The following TAFA5 variants were observed in gnomAD, a reference collection of about 807,000 sequenced individuals.
TAFA5 encodes the protein chemokine-like protein TAFA-5.
TAFA5 carries 6 observed loss-of-function variants against 15.3 expected under a neutral mutation model. The observed-to-expected ratio is 0.39, with a 90% CI of 0.21 to 0.77. The LOEUF is 0.77. Among genes scored for constraint, TAFA5 ranks in the 30% least tolerant of loss-of-function variants. The probability of loss-of-function intolerance (pLI) is 0.41; values close to 1 mark genes in which losing one functional copy is unlikely to be tolerated. For synonymous variants in TAFA5, 103 were observed against 80.7 expected, an observed-to-expected ratio of 1.28 and a Z score of -1.48; for missense variants, 161 against 193.1, an observed-to-expected ratio of 0.83 and a Z score of 0.98.
At chr22:48,492,759 G>A (rs1279491362) in intron 1 of TAFA5, among the ~76,000 whole-genome samples, 1 of 152,168 alleles carries the variant, frequency 6.6e-6, no homozygotes, top group African/African-American at 2.4e-5. Context: ...CTCCGCGGCC[G>A]GTGCTGCCCA....
intron 1 of TAFA5, among the ~76,000 whole-genome samples, chr22:48,608,834 C>T (rs542902331): frequency 2.0e-5 from 3 of 152,354 alleles, no homozygotes; most frequent in South Asian, 2.1e-4. Context: ...ACCCGACGCT[C>T]GGGAGCTCTG....
chr22:48,694,560 C>T (rs373133980), intron 2 of TAFA5, among the ~76,000 whole-genome samples: 13 of 151,904 alleles, frequency 8.6e-5, no homozygotes, highest in East Asian at 1.9e-4. Context: ...CCAGGAAGCC[C>T]GGCTGTGTCC....
intron 1 of TAFA5, among the ~76,000 whole-genome samples, chr22:48,579,539 T>C (rs895807517): frequency 1.3e-5 from 2 of 152,224 alleles, no homozygotes; most frequent in African/African-American, 4.8e-5. Flanking sequence ...ACGACGTGTG[T>C]CACGGAGACG....
chr22:48,523,450 G>A (rs1259841668), intron 1 of TAFA5, among the ~76,000 whole-genome samples: 1 of 152,238 alleles, frequency 6.6e-6, no homozygotes, highest in Non-Finnish European at 1.5e-5. Context: ...CCTGGCTGTT[G>A]GCTACTTGAG....
chr22:48,657,166 AAGG>A (rs1198859918), intron 2 of TAFA5, among the ~76,000 whole-genome samples: 1 of 152,220 alleles, frequency 6.6e-6, no homozygotes, highest in African/African-American at 2.4e-5. Flanking sequence ...AAAGTGAAGG[AAGG>A]CTGAAATTAC....
intron 1 of TAFA5, among the ~76,000 whole-genome samples, chr22:48,557,689 T>C (rs133455): frequency 0.82 from 125,228 of 152,230 alleles, 51,586 homozygotes; most frequent in African/African-American, 0.86. Flanking sequence ...CACTCGCAGG[T>C]GGGAGGGCAC....
At chr22:48,631,827 G>T (rs1227787885) in intron 1 of TAFA5, among the ~76,000 whole-genome samples, 3 of 152,144 alleles carry the variant, frequency 2.0e-5, no homozygotes, top group African/African-American at 7.2e-5. Flanking sequence ...GACAGCAGGG[G>T]GCCTAGGGGG....
chr22:48,617,211 C>G (rs1325582789), intron 1 of TAFA5, among the ~76,000 whole-genome samples: 1 of 149,180 alleles, frequency 6.7e-6, no homozygotes, highest in South Asian at 2.1e-4. Context: ...GTGGGTCTCA[C>G]AGGCAGTCAC....
At chr22:48,634,668 CTGAG>C (rs1926380209) in intron 1 of TAFA5, among the ~76,000 whole-genome samples, 1 of 142,820 alleles carries the variant, frequency 7.0e-6, no homozygotes. Flanking sequence ...CACTCACTCA[CTGAG>C]TCACTCAGTC....
intron 2 of TAFA5, among the ~76,000 whole-genome samples, chr22:48,682,801 T>G (rs1369953864): frequency 6.6e-6 from 1 of 151,538 alleles, no homozygotes; most frequent in African/African-American, 2.4e-5. Flanking sequence ...CTTTCGTCGG[T>G]TTTTTTTTGT....
intron 1 of TAFA5, among the ~76,000 whole-genome samples, chr22:48,520,699 G>T (rs879730088): frequency 3.3e-5 from 5 of 152,152 alleles, no homozygotes; most frequent in Admixed American, 2.0e-4. Flanking sequence ...GGCTTAATGG[G>T]CAGGAAGAGG....
At chr22:48,576,343 CGCGGCGGAGCGCGGCGTTG>C in intron 1 of TAFA5, 2 of 1,189,530 alleles carry the variant, frequency 1.7e-6, no homozygotes, top group Non-Finnish European at 2.1e-6. Flanking sequence ...CGCCTCCAGT[CGCGGCGGAGCGCGGCGTTG>C]GCGGCGGATG....
rs536418229 is a variant in TAFA5 at position 48,719,048 on chromosome 22, G to A, written c.390+11204G>A. The stretch of plus-strand genomic sequence containing the variant: ...ACTGGGGAGCATAGCTGTTCTCAAC[G>A]TGGAAGAAACGCAGTTTTAATCCAT... On this transcript the variant is annotated intron_variant, in intron 3 of 3. Transcript: ENST00000402357. Among the ~76,000 whole-genome samples the A allele has an allele frequency of 3.9e-5, 6 of 152,340 alleles. No individual in the cohort carries two copies. The East Asian group carries it at 9.7e-4, about 25-fold the overall frequency.
chr22:48,597,516 C>T (rs1010765533), intron 1 of TAFA5, among the ~76,000 whole-genome samples: 14 of 151,574 alleles, frequency 9.2e-5, no homozygotes, highest in Admixed American at 3.3e-4. Context: ...TGCCGGTCCC[C>T]TCTGGCTGGT....
chr22:48,714,169 G>A (rs1347417098), intron 3 of TAFA5, among the ~76,000 whole-genome samples: 2 of 152,206 alleles, frequency 1.3e-5, no homozygotes, highest in Admixed American at 1.3e-4. Context: ...AGACGCTTTT[G>A]CACCAGGGTC....
intron 1 of TAFA5, among the ~76,000 whole-genome samples, chr22:48,623,569 G>A (rs1198736718): frequency 1.3e-5 from 2 of 152,200 alleles, no homozygotes; most frequent in Non-Finnish European, 2.9e-5. Flanking sequence ...GGAAGGGGGC[G>A]GCTCATCGCT....
In TAFA5 at chr22:48,750,176, G is replaced by A; in HGVS notation, c.*329G>A. On this transcript the variant is annotated 3_prime_UTR_variant, in exon 4 of 4. Coordinates refer to ENST00000402357, the MANE Select transcript of TAFA5 (RefSeq NM_001082967.3). ...CTCAGAGGAGGAGGAGGAGGAGGCA[G>A]CTCCGGCAGCCACAGAAGGCTGCAG... 1 of 417,646 alleles carries A rather than the reference G, an allele frequency of 2.4e-6. No homozygotes were observed. Among genetic ancestry groups the A allele is most frequent in the Admixed American group, 4.1e-5 (1 of 24,470 alleles). The allele number at this position is 417,646 out of a possible 1,614,324, so 25.9% of individuals were successfully genotyped here. A position where few individuals can be genotyped will look rare whatever the true frequency, so the allele number is the denominator to read the frequency against.
intron 1 of TAFA5, among the ~76,000 whole-genome samples, chr22:48,529,254 T>G (rs1601557535): frequency 9.9e-6 from 1 of 100,510 alleles, no homozygotes; most frequent in African/African-American, 4.1e-5. Context: ...GAGATGGGGG[T>G]GTCAGGCAGG....
At chr22:48,563,267 C>A (rs1923299503) in intron 1 of TAFA5, among the ~76,000 whole-genome samples, 1 of 152,200 alleles carries the variant, frequency 6.6e-6, no homozygotes, top group African/African-American at 2.4e-5. Context: ...CCAGCGGGGA[C>A]CACCGTGGGC....
Sources: gnomAD v4.1 joint callset for allele counts (sites outside exome capture counted in the v4.1 genomes callset) on GRCh38, gnomAD v4.1.1 for gene constraint, MANE v1.5 for transcripts, NCBI Gene and HGNC (gene_info 2026-07-23, HGNC 2026-07-21) for gene names.